The following SPON2 variants were observed in gnomAD, a reference collection of about 807,000 sequenced individuals.
SPON2 encodes spondin-2.
Under a neutral mutation model 29.9 loss-of-function variants are expected in SPON2, and 32 were observed. The observed-to-expected ratio is 1.07, with a 90% CI of 0.81 to 1.44. SPON2 has a LOEUF of 1.44. Ranked by LOEUF, SPON2 falls within the 40% of genes most tolerant of loss-of-function variation. The pLI, the probability that SPON2 is intolerant of heterozygous loss-of-function variation, is 0.00. For synonymous variants in SPON2, 248 were observed against 209.1 expected, an observed-to-expected ratio of 1.19 and a Z score of -1.61; for missense variants, 541 against 455.5, an observed-to-expected ratio of 1.19 and a Z score of -1.71.
upstream of SPON2, among the ~76,000 whole-genome samples, chr4:1,176,159 T>C (rs776407842): frequency 1.3e-5 from 2 of 152,070 alleles, no homozygotes; most frequent in African/African-American, 2.4e-5. Context: ...CGGAGTGATC[T>C]TGTGTGACTC....
At chr4:1,181,098 C>T (rs1428380073) in intron 1 of SPON2, among the ~76,000 whole-genome samples, 4 of 152,112 alleles carry the variant, frequency 2.6e-5, no homozygotes, top group Non-Finnish European at 2.9e-5. Context: ...ATTATCAAAC[C>T]GTCAAAGCCA....
intron 1 of SPON2, among the ~76,000 whole-genome samples, chr4:1,192,797 G>A (rs896342937): frequency 1.1e-4 from 16 of 152,180 alleles, no homozygotes; most frequent in Admixed American, 9.2e-4. Context: ...AGATGCCACC[G>A]GCCAAGGAGA....
chr4:1,187,435 G>T (rs1015010910), intron 1 of SPON2, among the ~76,000 whole-genome samples: 1 of 152,202 alleles, frequency 6.6e-6, no homozygotes, highest in Non-Finnish European at 1.5e-5. Context: ...GTGTTATGGA[G>T]ATGGATGGGG....
In SPON2 at chr4:1,171,978, C is replaced by G. The variant is rs760308552; in HGVS notation, c.94G>C (p.Glu32Gln). 1.2e-6 allele frequency: 2 copies of G among 1,612,960 alleles called. No individual in the cohort carries two copies. The highest frequency in any genetic ancestry group is 1.1e-5 in the South Asian group (1 of 91,088). Reference sequence around the variant, plus strand: ...AGGGCTCTGGCGGAACAGATGGACTCTCCCCCAAGAGGCTGGCCGGCGGCG... The same window carrying G: ...AGGGCTCTGGCGGAACAGATGGACTGTCCCCCAAGAGGCTGGCCGGCGGCG... ...LGAAGQPLGG[E>Q]SICSARALAK... The change falls in exon 2 of 6, where the codon GAG becomes CAG. Residue 32 changes from glutamate to glutamine, a missense_variant. Transcript: ENST00000290902.
At chr4:1,196,200 GTC>G (rs886635853), upstream of SPON2, among the ~76,000 whole-genome samples, 7 of 152,174 alleles carry the variant, frequency 4.6e-5, no homozygotes, top group African/African-American at 1.4e-4. Flanking sequence ...CTTCTTTAAC[GTC>G]TCTTACTGGG....
intron 1 of SPON2, among the ~76,000 whole-genome samples, chr4:1,190,825 A>G (rs1727897824): frequency 6.6e-6 from 1 of 152,238 alleles, no homozygotes; most frequent in South Asian, 2.1e-4. Flanking sequence ...AACAATATGA[A>G]AATGAAATTA....
intron 1 of SPON2, among the ~76,000 whole-genome samples, chr4:1,186,128 C>T (rs1177149292): frequency 6.6e-6 from 1 of 150,840 alleles, no homozygotes; most frequent in Admixed American, 6.6e-5. Flanking sequence ...CCTGTAGTCC[C>T]AGCTACTCAG....
At chr4:1,187,394 T>G (rs1727826335) in intron 1 of SPON2, among the ~76,000 whole-genome samples, 1 of 152,190 alleles carries the variant, frequency 6.6e-6, no homozygotes, top group Non-Finnish European at 1.5e-5. Context: ...TGTTGTTTAA[T>G]GAGTGCACAG....
chr4:1,170,775 G>T, intron 4 of SPON2, 199 bp from the exon 5 acceptor site: 1 of 945,874 alleles, frequency 1.1e-6, no homozygotes, highest in Non-Finnish European at 1.7e-6. Context: ...GCCTCCTCGG[G>T]ACGCGCGTCC....
intron 1 of SPON2, among the ~76,000 whole-genome samples, chr4:1,189,135 A>G (rs1027793168): frequency 6.6e-6 from 1 of 152,160 alleles, no homozygotes; most frequent in Non-Finnish European, 1.5e-5. Context: ...TTTGAGATAA[A>G]TGGAAATGAA....
chr4:1,179,245 A>AGCACTCACTCTTATCAGGTTTCACAG (rs71168812), intron 2 of SPON2, among the ~76,000 whole-genome samples: 40,543 of 151,334 alleles, frequency 0.27, 6,674 homozygotes, highest in East Asian at 0.41. Flanking sequence ...CAGCAAACAC[A>AGCACTCACTCTTATCAGGTTTCACAG]GCACTCACTC....
intron 1 of SPON2, among the ~76,000 whole-genome samples, chr4:1,180,472 G>A (rs1178762421): frequency 6.6e-6 from 1 of 152,206 alleles, no homozygotes; most frequent in African/African-American, 2.4e-5. Context: ...AAAAAATTGT[G>A]AGATGTGAGA....
chr4:1,192,614 C>T (rs1050717575), intron 1 of SPON2, among the ~76,000 whole-genome samples: 28 of 152,298 alleles, frequency 1.8e-4, no homozygotes, highest in Admixed American at 3.9e-4. Flanking sequence ...CAGGCTAAGC[C>T]GGAGCTGCCC....
At chr4:1,195,299 G>A (rs113669930), upstream of SPON2, among the ~76,000 whole-genome samples, 19 of 152,096 alleles carry the variant, frequency 1.2e-4, no homozygotes, top group African/African-American at 4.3e-4. Flanking sequence ...GGCCGGCCTC[G>A]CAGGAACCAC....
chr4:1,189,021 T>A (rs1417474416), intron 1 of SPON2, among the ~76,000 whole-genome samples: 1 of 152,090 alleles, frequency 6.6e-6, no homozygotes, highest in Non-Finnish European at 1.5e-5. Flanking sequence ...TACAAATCAA[T>A]AACAGAAAGA....
Position 1,167,405 on chromosome 4 carries a change from G to C in SPON2, c.*67C>G. ...CTGTGCCCTCGGCCGCCTGCAGCAT[G>C]AGCCTGCACAGGAGCCCCCGACACC... On this transcript the variant is annotated 3_prime_UTR_variant, in exon 6 of 6. Coordinates refer to ENST00000290902, the MANE Select transcript of SPON2 (RefSeq NM_012445.4). 1 of 1,490,822 alleles carries C rather than the reference G, an allele frequency of 6.7e-7. No homozygotes were observed. Among genetic ancestry groups the C allele is most frequent in the Non-Finnish European group, 9.1e-7 (1 of 1,101,398 alleles). 92.3% of individuals were successfully genotyped at this position (1,490,822 alleles called of 1,614,324 possible). A position where few individuals can be genotyped will look rare whatever the true frequency, so the allele number is the denominator to read the frequency against.
At chr4:1,189,484 C>A (rs1467459480) in intron 1 of SPON2, among the ~76,000 whole-genome samples, 1 of 151,042 alleles carries the variant, frequency 6.6e-6, no homozygotes, top group East Asian at 1.9e-4. Flanking sequence ...GGTAAAACCC[C>A]ATCTCTACAA....
intron 1 of SPON2, chr4:1,172,323 T>G (rs933072236): frequency 1.8e-5 from 10 of 570,654 alleles, no homozygotes; most frequent in Admixed American, 6.3e-5. Context: ...TCCGAGTCCC[T>G]GCAGCTTGCC....
At chr4:1,170,885 A>G (rs994734424) in intron 4 of SPON2, 114 bp downstream of exon 4, 198 of 1,405,266 alleles carry the variant, frequency 1.4e-4, no homozygotes, top group Non-Finnish European at 1.9e-4. Context: ...CCTCTTCCAC[A>G]CAAAAGCCGC....
Sources: allele counts gnomAD v4.1 joint callset (sites outside exome capture counted in the v4.1 genomes callset), GRCh38; gene constraint gnomAD v4.1.1; transcripts MANE v1.5; gene names NCBI Gene and HGNC (gene_info 2026-07-23, HGNC 2026-07-21).